Variants in MCOLN2 observed in about 807,000 individuals in gnomAD.
The protein encoded by MCOLN2 is mucolipin TRP cation channel 2.
A neutral mutation model predicts 67.5 loss-of-function variants in MCOLN2; 57 were observed. The ratio of observed to expected loss-of-function variants is 0.84; its 90% CI spans 0.68 to 1.05. The LOEUF (loss-of-function observed/expected upper bound fraction) is 1.05, where lower values mean the gene tolerates loss of function less well. MCOLN2 is among the 50% of genes least tolerant of loss of function. The probability of loss-of-function intolerance (pLI) is 0.00; values close to 1 mark genes in which losing one functional copy is unlikely to be tolerated. For synonymous variants in MCOLN2, 246 were observed against 233.3 expected, an observed-to-expected ratio of 1.05 and a Z score of -0.50; for missense variants, 620 against 678.8, an observed-to-expected ratio of 0.91 and a Z score of 0.96.
intron 3 of MCOLN2, among the ~76,000 whole-genome samples, chr1:84,957,684 ACTCT>A (rs1212601332): frequency 2.1e-4 from 32 of 151,804 alleles, no homozygotes; most frequent in Admixed American, 2.1e-3. Flanking sequence ...CTCCCTTACC[ACTCT>A]AAGTAATAAG....
chr1:84,959,585 G>A (rs1031288322), intron 2 of MCOLN2, among the ~76,000 whole-genome samples: 2 of 151,934 alleles, frequency 1.3e-5, no homozygotes, highest in Admixed American at 1.3e-4. Flanking sequence ...ACTCTCTCAC[G>A]TGCGTCCTCT....
At chr1:84,945,517 A>T (rs1311673992) in intron 7 of MCOLN2, among the ~76,000 whole-genome samples, 3 of 152,228 alleles carry the variant, frequency 2.0e-5, no homozygotes, top group African/African-American at 7.2e-5. Context: ...TCTGAAAAGC[A>T]GCAGGCCACA....
At chr1:84,957,024 A>T (rs1025117203) in intron 3 of MCOLN2, among the ~76,000 whole-genome samples, 2 of 152,130 alleles carry the variant, frequency 1.3e-5, no homozygotes, top group African/African-American at 4.8e-5. Context: ...CACCTCAATG[A>T]GGCCTTCCCT....
At chr1:84,940,066 C>T (rs951787488) in intron 8 of MCOLN2, among the ~76,000 whole-genome samples, 8 of 152,054 alleles carry the variant, frequency 5.3e-5, no homozygotes, top group Non-Finnish European at 8.8e-5. Flanking sequence ...ACTGAGGCAC[C>T]GAGAGGCTAA....
chr1:84,987,196 CTATCTATCTATCTATATA>C (rs959902869), intron 1 of MCOLN2, among the ~76,000 whole-genome samples: 6 of 120,548 alleles, frequency 5.0e-5, no homozygotes, highest in South Asian at 5.7e-4. Context: ...ATCTATCTAT[CTATCTATCTATCTATATA>C]TATGGCATAT....
chr1:84,956,361 A>G, intron 4 of MCOLN2, 70 bp downstream of exon 4: 13 of 1,508,486 alleles, frequency 8.6e-6, no homozygotes, highest in Non-Finnish European at 1.2e-5. Context: ...CTGGGTTGCT[A>G]GCACATGAGG....
intron 1 of MCOLN2, among the ~76,000 whole-genome samples, chr1:84,975,401 TAATC>T (rs1451992214): frequency 1.3e-5 from 2 of 152,216 alleles, no homozygotes; most frequent in Non-Finnish European, 2.9e-5. Flanking sequence ...CTCTGCCTGG[TAATC>T]CAAAGAATTC....
At chr1:84,940,745 G>A (rs559431327) in intron 8 of MCOLN2, 134 bp downstream of exon 8, 255 of 598,640 alleles carry the variant, frequency 4.3e-4, no homozygotes, top group Admixed American at 7.1e-4. Flanking sequence ...CTCATAGCGG[G>A]CAACTACTCA....
chr1:84,927,901 C>T (rs1210616897), intron 13 of MCOLN2, among the ~76,000 whole-genome samples: 4 of 152,096 alleles, frequency 2.6e-5, no homozygotes, highest in Non-Finnish European at 2.9e-5. Context: ...ATTACAGGCA[C>T]GAGCCACCAT....
At chr1:84,927,422 G>A (rs367857580) in intron 13 of MCOLN2, among the ~76,000 whole-genome samples, 16 of 152,230 alleles carry the variant, frequency 1.1e-4, no homozygotes, top group South Asian at 6.2e-4. Context: ...GAACCACATC[G>A]CTTTAGAACT....
intron 1 of MCOLN2, among the ~76,000 whole-genome samples, chr1:84,973,530 T>C (rs920062450): frequency 5.9e-5 from 9 of 152,120 alleles, no homozygotes; most frequent in Admixed American, 1.3e-4. Flanking sequence ...CTTAGGTATG[T>C]GAGACATCCT....
intron 1 of MCOLN2, among the ~76,000 whole-genome samples, chr1:84,995,251 G>A (rs1651087596): frequency 7.9e-6 from 1 of 125,920 alleles, no homozygotes; most frequent in Non-Finnish European, 1.8e-5. Flanking sequence ...GAGACACAAA[G>A]TGAGCACATG....
intron 1 of MCOLN2, among the ~76,000 whole-genome samples, chr1:84,989,373 T>C (rs1650771841): frequency 6.6e-6 from 1 of 152,190 alleles, no homozygotes; most frequent in African/African-American, 2.4e-5. Flanking sequence ...AAGTCTTACT[T>C]AGTCAAGATA....
intron 1 of MCOLN2, among the ~76,000 whole-genome samples, chr1:84,988,426 C>G (rs12030730): frequency 0.16 from 24,131 of 152,088 alleles, 2,042 homozygotes; most frequent in East Asian, 0.26. Flanking sequence ...AGTAGGATGA[C>G]TGAACTGGGC....
chr1:84,961,472 T>G (rs573055397), intron 2 of MCOLN2, among the ~76,000 whole-genome samples: 2 of 152,314 alleles, frequency 1.3e-5, no homozygotes, highest in East Asian at 3.9e-4. Context: ...TTGTAATCTC[T>G]GCTTGGAACC....
intron 2 of MCOLN2, among the ~76,000 whole-genome samples, chr1:84,964,004 A>T (rs1020882412): frequency 1.8e-4 from 27 of 152,206 alleles, no homozygotes; most frequent in African/African-American, 6.5e-4. Flanking sequence ...AACCAACTGA[A>T]AAAAGGGGAC....
At chr1:84,970,267 AC>A (rs1649603539) in intron 1 of MCOLN2, among the ~76,000 whole-genome samples, 1 of 117,342 alleles carries the variant, frequency 8.5e-6, no homozygotes, top group Non-Finnish European at 1.8e-5. Flanking sequence ...AACTCCCCCC[AC>A]CCCCCAACAC....
At chr1:84,945,489 G>A (rs1309135279) in intron 7 of MCOLN2, among the ~76,000 whole-genome samples, 1 of 152,118 alleles carries the variant, frequency 6.6e-6, no homozygotes, top group Non-Finnish European at 1.5e-5. Flanking sequence ...AACTTCAATC[G>A]TCAGGACATA....
chr1:84,931,330 T>A (rs1472032367), intron 12 of MCOLN2, 32 bp downstream of exon 12: 2 of 1,270,410 alleles, frequency 1.6e-6, no homozygotes, highest in Middle Eastern at 2.0e-4. Flanking sequence ...TTTGCAGTGA[T>A]TTTTTGGCAG....
Sources: gnomAD v4.1 joint callset for allele counts (sites outside exome capture counted in the v4.1 genomes callset) on GRCh38, gnomAD v4.1.1 for gene constraint, MANE v1.5 for transcripts, NCBI Gene and HGNC (gene_info 2026-07-23, HGNC 2026-07-21) for gene names.